FER1L6: variants seen among roughly 807,000 people sequenced by gnomAD.
FER1L6 encodes the protein fer-1-like protein 6.
FER1L6 carries 177 observed loss-of-function variants against 219.2 expected under a neutral mutation model. That is an observed-to-expected ratio of 0.81 (90% CI 0.71 to 0.91). The LOEUF is 0.91. FER1L6 is among the 40% of genes least tolerant of loss of function. The probability of loss-of-function intolerance (pLI) is 0.00; values close to 1 mark genes in which losing one functional copy is unlikely to be tolerated. For synonymous variants in FER1L6, 768 were observed against 824.3 expected (o/e 0.93, Z 1.17); for missense variants, 2,153 against 2,259.9 (o/e 0.95, Z 0.96).
chr8:124,005,890 G>A (rs374963077), intron 13 of FER1L6, among the ~76,000 whole-genome samples: 1 of 152,294 alleles, frequency 6.6e-6, no homozygotes, highest in African/African-American at 2.4e-5. Context: ...GGAGTCCATT[G>A]AAATAGTCTT....
At chr8:124,000,850 G>T (rs530703045) in intron 12 of FER1L6, among the ~76,000 whole-genome samples, 1 of 152,284 alleles carries the variant, frequency 6.6e-6, no homozygotes, top group South Asian at 2.1e-4. Flanking sequence ...GCCTAACAAA[G>T]AATCTCCTGT....
At chr8:123,973,635 C>A in intron 7 of FER1L6, 123 bp downstream of exon 7, 3 of 752,618 alleles carry the variant, frequency 4.0e-6, no homozygotes, top group Middle Eastern at 2.5e-4. Context: ...ACCAGTTATA[C>A]AAAGTTGAAT....
At chr8:124,054,779 T>C (rs767527595) in intron 22 of FER1L6, among the ~76,000 whole-genome samples, 1 of 152,160 alleles carries the variant, frequency 6.6e-6, no homozygotes, top group African/African-American at 2.4e-5. Context: ...GGGAAGGCGA[T>C]GAGGCCAGTG....
chr8:124,096,596 A>G lies in FER1L6; in HGVS notation c.4696-675A>G, dbSNP rs1254281256. ...CTTAAATCTCTTGTACCACGGTAAA[A>G]TCTGATGTATGGAGTTCAAGGCAAT... On this transcript the variant is annotated intron_variant, in intron 35 of 40. Transcript: ENST00000522917. Among the ~76,000 whole-genome samples, 16 of 152,180 alleles carry G rather than the reference A, an allele frequency of 1.1e-4. 1 individual carries two copies. The highest frequency in any genetic ancestry group is 2.4e-4 in the Non-Finnish European group (16 of 68,042).
intron 10 of FER1L6, among the ~76,000 whole-genome samples, chr8:123,978,985 C>T (rs2130322580): frequency 6.6e-6 from 1 of 152,294 alleles, no homozygotes; most frequent in Admixed American, 6.5e-5. Context: ...GGAAGATATA[C>T]ATCAGTGATT....
intron 1 of FER1L6, among the ~76,000 whole-genome samples, chr8:123,953,665 C>G (rs1229552760): frequency 6.6e-6 from 1 of 152,200 alleles, no homozygotes; most frequent in African/African-American, 2.4e-5. Context: ...CCTTATGTCT[C>G]CCTCGGCAGA....
intron 1 of FER1L6, among the ~76,000 whole-genome samples, chr8:123,878,065 T>C (rs1412412828): frequency 6.6e-6 from 1 of 152,188 alleles, no homozygotes; most frequent in Middle Eastern, 3.2e-3. Flanking sequence ...CTTAAAATTG[T>C]TAAGTCATCG....
At chr8:124,018,248 T>C (rs1357494741) in intron 16 of FER1L6, among the ~76,000 whole-genome samples, 3 of 152,192 alleles carry the variant, frequency 2.0e-5, no homozygotes, top group South Asian at 2.1e-4. Flanking sequence ...ATTATCTCAA[T>C]TGAAAATGTC....
At chr8:124,099,176 T>C (rs758265992) in intron 37 of FER1L6, among the ~76,000 whole-genome samples, 2 of 152,246 alleles carry the variant, frequency 1.3e-5, no homozygotes, top group Admixed American at 6.5e-5. Context: ...ATTTTGTCTC[T>C]CTGCCATTTT....
At chr8:123,982,368 C>CA (rs1816361990) in intron 11 of FER1L6, among the ~76,000 whole-genome samples, 2 of 152,174 alleles carry the variant, frequency 1.3e-5, no homozygotes, top group South Asian at 4.1e-4. Context: ...TTGATGAAGA[C>CA]ACTTGAAGCA....
chr8:123,961,579 C>T (rs1815276947), intron 2 of FER1L6, among the ~76,000 whole-genome samples: 1 of 152,064 alleles, frequency 6.6e-6, no homozygotes, highest in Non-Finnish European at 1.5e-5. Flanking sequence ...ACAGACACTT[C>T]CAGAAAGGGA....
intron 1 of FER1L6, among the ~76,000 whole-genome samples, chr8:123,933,575 G>C (rs1369302949): frequency 6.6e-6 from 1 of 152,230 alleles, no homozygotes; most frequent in Non-Finnish European, 1.5e-5. Context: ...AGGTCTGAGT[G>C]TGTTGGTGAT....
Position 123,852,113 on chromosome 8 carries a change from C to T in FER1L6, c.-80C>T, listed in dbSNP as rs1410601941. 1 of 152,214 alleles carries T rather than the reference C, an allele frequency of 6.6e-6. No individual in the cohort carries two copies. Among genetic ancestry groups the T allele is most frequent in the Non-Finnish European group, 1.5e-5 (1 of 68,068 alleles). 9.4% of individuals were successfully genotyped at this position (152,214 alleles called of 1,614,324 possible). On this transcript the variant is annotated 5_prime_UTR_variant, in exon 1 of 41. Transcript: ENST00000522917. The surrounding 1 kb of genome is among the most constrained non-coding windows in gnomAD (Gnocchi z 4.9). ...CGAGCACGAACCCACTGCTGCGCTT[C>T]ATTTGCTGTGAAGTGAGTCCCTTGA...
At chr8:123,995,334 A>C (rs576533594) in intron 12 of FER1L6, among the ~76,000 whole-genome samples, 1 of 152,306 alleles carries the variant, frequency 6.6e-6, no homozygotes, top group Admixed American at 6.5e-5. Context: ...ACTTTTTATT[A>C]TGATTTTGAT....
Position 123,976,078 on chromosome 8 carries a change from G to C in FER1L6, c.864G>C (p.Gly288=). 6.2e-7 allele frequency: 1 copy of C among 1,610,490 alleles called. No homozygotes were observed. The change falls in exon 9 of 41, where the codon GGG becomes GGC. Residue 288 remains glycine, a synonymous_variant. Coordinates refer to ENST00000522917, the MANE Select transcript of FER1L6 (RefSeq NM_001039112.2). ...VDPFVEVSFA[G]QMGRTTVQKN... ...CCTTTGTGGAGGTCTCCTTTGCTGGGCAGATGGTGAGGAACCATTGTCACT... is the reference window on the plus strand; with the variant it reads ...CCTTTGTGGAGGTCTCCTTTGCTGGCCAGATGGTGAGGAACCATTGTCACT...
At chr8:123,891,651 GTA>G (rs1479780919) in intron 1 of FER1L6, among the ~76,000 whole-genome samples, 1 of 152,146 alleles carries the variant, frequency 6.6e-6, no homozygotes, top group Non-Finnish European at 1.5e-5. Flanking sequence ...AGGACTTTTT[GTA>G]GTATCAATAT....
chr8:123,975,841 TTCTC>T (rs758094052), intron 8 of FER1L6, 53 bp from the exon 9 acceptor site: 36 of 1,408,068 alleles, frequency 2.6e-5, no homozygotes, highest in Non-Finnish European at 3.2e-5. Flanking sequence ...CTCCTGTCTT[TTCTC>T]TCTGTTTCTT....
intron 1 of FER1L6, among the ~76,000 whole-genome samples, chr8:123,879,125 C>A (rs142862576): frequency 6.6e-6 from 1 of 152,146 alleles, no homozygotes; most frequent in African/African-American, 2.4e-5. Context: ...CAGCAAGGCT[C>A]CATCTCTACA....
chr8:124,088,989 G>A (rs1821902525), intron 33 of FER1L6, among the ~76,000 whole-genome samples: 1 of 152,116 alleles, frequency 6.6e-6, no homozygotes, highest in African/African-American at 2.4e-5. Flanking sequence ...CACTCCCATG[G>A]CTGCCCCAGC....
Sources: allele counts gnomAD v4.1 joint callset (sites outside exome capture counted in the v4.1 genomes callset), GRCh38; gene constraint gnomAD v4.1.1; non-coding constraint Gnocchi (gnomAD v3.1); transcripts MANE v1.5; gene names NCBI Gene and HGNC (gene_info 2026-07-23, HGNC 2026-07-21).